The following SCGB1D2 variants were observed in gnomAD, a reference collection of about 807,000 sequenced individuals.
The protein encoded by SCGB1D2 is secretoglobin family 1D member 2, also known as lipophilin-B.
In SCGB1D2, 10 loss-of-function variants were observed where a neutral mutation model predicts 10.5. The ratio of observed to expected loss-of-function variants is 0.95; its 90% confidence interval spans 0.59 to 1.61. SCGB1D2 has a LOEUF of 1.61. SCGB1D2 is among the 40% of genes most tolerant of loss of function. The pLI is 0.00. For missense variants in SCGB1D2, 113 were observed against 103.8 expected (o/e 1.09, Z -0.38); for synonymous variants, 42 against 42.8 (o/e 0.98, Z 0.08).
In SCGB1D2 at chr11:62,243,312, C is replaced by G. The variant is rs140082575; in HGVS notation, c.79C>G (p.Leu27Val). The change falls in exon 2 of 3, where the codon CTT becomes GTT. Residue 27 changes from leucine (L) to valine (V), a missense_variant. Physicochemically the swap from Leu to Val is conservative, Grantham distance 32 (BLOSUM62 1). Coordinates refer to ENST00000244926, the MANE Select transcript of SCGB1D2 (RefSeq NM_006551.4). ...AGCCAATGCCGAGTTCTGCCCAGCT[C>G]TTGTTTCTGAGCTGTTAGACTTCTT... ...YQANAEFCPA[L>V]VSELLDFFFI... is the part of the protein sequence containing the mutation. 19 of 1,613,598 alleles carry G rather than the reference C, an allele frequency of 1.2e-5. No homozygotes were observed. Among genetic ancestry groups the G allele is most frequent in the Admixed American group, 6.7e-5 (4 of 59,930 alleles).
In SCGB1D2 at chr11:62,242,272, T is replaced by C. The variant is rs1169171963; in HGVS notation, c.-36T>C. On this transcript the variant is annotated 5_prime_UTR_variant, in exon 1 of 3. Coordinates refer to ENST00000244926, the MANE Select transcript of SCGB1D2 (RefSeq NM_006551.4). The stretch of plus-strand genomic sequence containing the variant: ...GGGGTGGAGTCCAAATCACTCATTG[T>C]TTGTGAAAGCTGAGCTCACAGCAAA... 1.9e-6 allele frequency: 3 copies of C among 1,612,862 alleles called. No homozygotes were observed. The South Asian group carries it at 3.3e-5, about 18-fold the overall frequency.
chr11:62,243,527 T>C (rs895286227), intron 2 of SCGB1D2, 51 bp downstream of exon 2: 5 of 1,484,544 alleles, frequency 3.4e-6, no homozygotes, highest in Non-Finnish European at 4.6e-6. Flanking sequence ...CTGCACAGTA[T>C]GAAGTGAGGT....
At chr11:62,244,579 G>A in intron 2 of SCGB1D2, 91 bp from the exon 3 acceptor site, 2 of 1,196,484 alleles carry the variant, frequency 1.7e-6, no homozygotes, top group South Asian at 1.3e-5. Flanking sequence ...TGCCTTTGGG[G>A]GCAGAATCCC....
chr11:62,243,599 A>G, intron 2 of SCGB1D2, 123 bp downstream of exon 2: 5 of 809,180 alleles, frequency 6.2e-6, no homozygotes, highest in Non-Finnish European at 9.8e-6. Context: ...TCACCTCTTG[A>G]GAAGGTCACC....
rs571693071 is a variant in SCGB1D2 at position 62,243,987 on chromosome 11, C to T, written c.243+511C>T. ...CTGCAGAGCCAGGAAGGAGCCCCTC[C>T]CAGCTCCTGAGACCCCATACTCCCC... On this transcript the variant is annotated intron_variant, in intron 2 of 2. Coordinates refer to ENST00000244926, the MANE Select transcript of SCGB1D2 (RefSeq NM_006551.4). Among the ~76,000 whole-genome samples, 12 of 152,222 alleles carry T rather than the reference C, an allele frequency of 7.9e-5. No homozygotes were observed. The East Asian group carries it at 1.9e-3, about 25-fold the overall frequency.
rs138558862 is a variant in SCGB1D2, at chr11:62,243,084, A to G, written c.56-205A>G. 4.1e-4 allele frequency among the ~76,000 whole-genome samples: 62 copies of G among 152,270 alleles called. No homozygotes were observed. The East Asian group carries it at 0.011, about 27-fold the overall frequency. Reference sequence around the variant, plus strand: ...TCCAGCCTGGGTGACAAAGGGAAAAAAAAGAGTTTGGCTGTTGATATGAAG... The same window carrying G: ...TCCAGCCTGGGTGACAAAGGGAAAAGAAAGAGTTTGGCTGTTGATATGAAG... On this transcript the variant is annotated intron_variant, in intron 1 of 2. Transcript: ENST00000244926.
intron 1 of SCGB1D2, among the ~76,000 whole-genome samples, chr11:62,242,904 G>C (rs1051818164): frequency 2.0e-5 from 3 of 152,164 alleles, no homozygotes; most frequent in Admixed American, 6.5e-5. Flanking sequence ...CCTAGGCAAC[G>C]TGGCGAAACT....
At position 62,243,336 on chromosome 11, in the gene SCGB1D2, T is replaced by G. The variant is rs1341588834; in HGVS notation, c.103T>G (p.Phe35Val). Residue 35 changes from phenylalanine (F) to valine (V), a missense_variant, in exon 2 of 3, where the codon TTC becomes GTC. Phe to Val is a conservative substitution (Grantham distance 50, BLOSUM62 -1). Transcript: ENST00000244926. ...PALVSELLDF[F>V]FISEPLFKLS... Reference sequence around the variant, plus strand: ...TCTTGTTTCTGAGCTGTTAGACTTCTTCTTCATTAGTGAACCTCTGTTCAA... The same window carrying G: ...TCTTGTTTCTGAGCTGTTAGACTTCGTCTTCATTAGTGAACCTCTGTTCAA... 13 of 1,614,004 alleles carry G rather than the reference T, an allele frequency of 8.1e-6. No homozygotes were observed. The highest frequency in any genetic ancestry group is 1.0e-5 in the Non-Finnish European group (12 of 1,179,974).
chr11:62,243,180 A>T, intron 1 of SCGB1D2, 109 bp from the exon 2 acceptor site: 2 of 802,402 alleles, frequency 2.5e-6, no homozygotes, highest in Admixed American at 5.1e-5. Context: ...AGCACAACAA[A>T]TGTATGTGAA....
chr11:62,243,928 T>G (rs111951975), intron 2 of SCGB1D2, among the ~76,000 whole-genome samples: 4,353 of 152,138 alleles, frequency 0.029, 212 homozygotes, highest in African/African-American at 0.099. Flanking sequence ...CTCCTGCAGA[T>G]GTAGCACTGG....
chr11:62,242,382 G>A lies in SCGB1D2; in HGVS notation c.55+20G>A, dbSNP rs1945069953. 1.2e-6 allele frequency: 2 copies of A among 1,613,384 alleles called. No homozygotes were observed. The highest frequency in any genetic ancestry group is 1.7e-5 in the Admixed American group (1 of 59,986). On this transcript the variant is annotated intron_variant, in intron 1 of 2. Transcript: ENST00000244926. ...ACCAGGGTGAGTACATCAGTCATGA[G>A]TCTAGCTCCAGCCCCTGGGAAGCAC...
intron 2 of SCGB1D2, among the ~76,000 whole-genome samples, chr11:62,244,409 G>A (rs943183396): frequency 2.0e-5 from 3 of 152,082 alleles, no homozygotes; most frequent in Non-Finnish European, 2.9e-5. Context: ...TCCAACCCTC[G>A]TCACTTGCTT....
At chr11:62,243,544 G>T (rs1945082467) in intron 2 of SCGB1D2, 68 bp downstream of exon 2, 1 of 1,379,538 alleles carries the variant, frequency 7.2e-7, no homozygotes, top group South Asian at 1.4e-5. Flanking sequence ...AGGTCAGCTT[G>T]CTGCTCTGTT....
Position 62,243,182 on chromosome 11 carries a change from G to T in SCGB1D2, c.56-107G>T. On this transcript the variant is annotated intron_variant, in intron 1 of 2. Transcript: ENST00000244926. ...TGGCATTGTCATCAGCACAACAAAT[G>T]TATGTGAACATATAACCCAGGGGAT... is the stretch of plus-strand genomic sequence containing the variant. The T allele has an allele frequency of 2.4e-6, 2 of 820,956 alleles. 1 individual carries two copies. Among genetic ancestry groups the T allele is most frequent in the East Asian group, 5.2e-5 (2 of 38,812 alleles). The allele number at this position is 820,956 out of a possible 1,614,324, so 50.9% of individuals were successfully genotyped here.
intron 1 of SCGB1D2, 55 bp from the exon 2 acceptor site, chr11:62,243,234 A>G: frequency 6.8e-7 from 1 of 1,476,354 alleles, no homozygotes; most frequent in Non-Finnish European, 9.4e-7. Flanking sequence ...TCAGGGAGCC[A>G]AAGAGAAAAA....
At position 62,244,787 on chromosome 11, in the gene SCGB1D2, T is replaced by A. The variant is rs1203179818; in HGVS notation, c.*88T>A. On this transcript the variant is annotated 3_prime_UTR_variant, in exon 3 of 3. Coordinates refer to ENST00000244926, the MANE Select transcript of SCGB1D2 (RefSeq NM_006551.4). The stretch of plus-strand genomic sequence containing the variant: ...AATGTAAAGGTTTCAACGTCTTGCT[T>A]TAATAAATCACTTGCTCTCCACGTC... 4.3e-6 allele frequency: 5 copies of A among 1,158,940 alleles called. No homozygotes were observed. Among genetic ancestry groups the A allele is most frequent in the Non-Finnish European group, 6.4e-6 (5 of 778,076 alleles). 71.8% of individuals were successfully genotyped at this position (1,158,940 alleles called of 1,614,324 possible).
chr11:62,242,823 C>G (rs1945074690), intron 1 of SCGB1D2, among the ~76,000 whole-genome samples: 1 of 152,230 alleles, frequency 6.6e-6, no homozygotes, highest in South Asian at 2.1e-4. Flanking sequence ...CATGGCGGCT[C>G]ATGCCTGTAA....
chr11:62,244,628 A>G (rs1378142731), intron 2 of SCGB1D2, 42 bp from the exon 3 acceptor site: 2 of 1,593,834 alleles, frequency 1.3e-6, no homozygotes, highest in Non-Finnish European at 1.7e-6. Context: ...CTCCAGCAGC[A>G]GCATGACTGA....
chr11:62,244,812 C>A lies in SCGB1D2; in HGVS notation c.*113C>A, dbSNP rs1945095867. 7.6e-6 allele frequency: 7 copies of A among 923,028 alleles called. No homozygotes were observed. Among genetic ancestry groups the A allele is most frequent in the African/African-American group, 1.7e-5 (1 of 60,378 alleles). 57.2% of individuals were successfully genotyped at this position (923,028 alleles called of 1,614,324 possible). ...TTAATAAATCACTTGCTCTCCACGTCTCCACTGGTCTTGTTATAATCCTGC... is the reference window on the plus strand; with the variant it reads ...TTAATAAATCACTTGCTCTCCACGTATCCACTGGTCTTGTTATAATCCTGC... On this transcript the variant is annotated 3_prime_UTR_variant, in exon 3 of 3. Transcript: ENST00000244926.
Sources: allele counts gnomAD v4.1 joint callset (sites outside exome capture counted in the v4.1 genomes callset), GRCh38; gene constraint gnomAD v4.1.1; transcripts MANE v1.5; gene names NCBI Gene and HGNC (gene_info 2026-07-23, HGNC 2026-07-21).